The following TMEM164 variants were observed in gnomAD, a reference collection of about 807,000 sequenced individuals.
TMEM164 encodes transmembrane protein 164, also known as RP13-360B22.2.
Under a neutral mutation model 18.8 loss-of-function variants are expected in TMEM164, and 4 were observed. The observed-to-expected ratio is 0.21, with a 90% confidence interval of 0.10 to 0.49. The LOEUF (loss-of-function observed/expected upper bound fraction) is 0.49, where lower values mean the gene tolerates loss of function less well. Among genes scored for constraint, TMEM164 ranks in the 20% least tolerant of loss-of-function variants. The pLI is 0.98. For missense variants in TMEM164, 108 were observed against 239.9 expected, an observed-to-expected ratio of 0.45 and a Z score of 3.63; for synonymous variants, 86 against 101.7, an observed-to-expected ratio of 0.85 and a Z score of 0.93.
intron 2 of TMEM164, among the ~76,000 whole-genome samples, chrX:110,053,862 C>G (rs1378498789): frequency 8.9e-6 from 1 of 112,140 alleles, no homozygotes; most frequent in Non-Finnish European, 1.9e-5. Flanking sequence ...TTCATGCTAA[C>G]TACACCGTCT....
intron 3 of TMEM164, among the ~76,000 whole-genome samples, chrX:110,092,783 G>A (rs183353707): frequency 5.4e-5 from 6 of 111,876 alleles, no homozygotes; most frequent in African/African-American, 1.6e-4. Context: ...TCCCTGTCTT[G>A]TGCCAGTTTT....
intron 4 of TMEM164, among the ~76,000 whole-genome samples, chrX:110,116,903 AG>A (rs112145570): frequency 0.037 from 3,204 of 87,422 alleles, 139 homozygotes; most frequent in African/African-American, 0.13. Flanking sequence ...GTGTGTGTGA[AG>A]GGGGGCAGGG....
intron 3 of TMEM164, among the ~76,000 whole-genome samples, chrX:110,085,065 T>C (rs2065831040): frequency 9.0e-6 from 1 of 110,675 alleles, no homozygotes; most frequent in African/African-American, 3.3e-5. Context: ...ATATTTCTTC[T>C]GGTTTATACA....
chrX:110,097,691 C>T (rs766110455), intron 3 of TMEM164, among the ~76,000 whole-genome samples: 8 of 111,943 alleles, frequency 7.1e-5, no homozygotes, highest in African/African-American at 3.2e-5. Context: ...TAGAGGACAA[C>T]TGAATCAATA....
intron 4 of TMEM164, among the ~76,000 whole-genome samples, chrX:110,115,667 A>G (rs917851648): frequency 1.8e-5 from 2 of 112,321 alleles, no homozygotes; most frequent in African/African-American, 6.5e-5. Context: ...GTATCATGCC[A>G]TGTGCTGCAG....
At chrX:110,152,056 C>CT (rs755801649) in intron 5 of TMEM164, among the ~76,000 whole-genome samples, 6,404 of 77,386 alleles carry the variant, frequency 0.083, 443 homozygotes, top group African/African-American at 0.22. Flanking sequence ...CTTTTCTTTT[C>CT]TTTTTTTTTT....
Position 110,097,662 on chromosome X carries a change from C to T in TMEM164, c.441-11418C>T, listed in dbSNP as rs748343218. On this transcript the variant is annotated intron_variant, in intron 3 of 6. Coordinates refer to ENST00000372068, the MANE Select transcript of TMEM164 (RefSeq NM_032227.4). ...TTGTAGATGGTTGGGTGAGATGAAT[C>T]GTATTCAGGAAGGGTACATAGAGGA... is the stretch of plus-strand genomic sequence containing the variant. Among the ~76,000 whole-genome samples, 8 of 111,928 alleles carry T rather than the reference C, an allele frequency of 7.1e-5. No individual in the cohort carries two copies. In the East Asian group the frequency reaches 1.1e-3, roughly 16 times the overall value.
At chrX:110,131,675 G>A (rs1006701920) in intron 4 of TMEM164, among the ~76,000 whole-genome samples, 6 of 111,345 alleles carry the variant, frequency 5.4e-5, no homozygotes, top group African/African-American at 1.6e-4. Flanking sequence ...CTGGTTCCTC[G>A]GTAGGCTTTT....
At chrX:110,065,437 CTG>C (rs2147846965) in intron 2 of TMEM164, 2 of 111,535 alleles carry the variant, frequency 1.8e-5, no homozygotes, top group East Asian at 5.6e-4. Flanking sequence ...TTCCTCTTCT[CTG>C]TGTACTGTAG....
At chrX:110,052,898 G>GCC (rs1935632948) in intron 2 of TMEM164, among the ~76,000 whole-genome samples, 1 of 109,846 alleles carries the variant, frequency 9.1e-6, no homozygotes, top group Non-Finnish European at 1.9e-5. Context: ...CTACAGGCAT[G>GCC]CACCACCATG....
intron 2 of TMEM164, among the ~76,000 whole-genome samples, chrX:110,024,035 T>C (rs931995081): frequency 9.0e-6 from 1 of 111,577 alleles, no homozygotes. Flanking sequence ...GACCAGATGG[T>C]ATCTAAGACC....
chrX:110,045,765 G>C (rs999541880), intron 2 of TMEM164, among the ~76,000 whole-genome samples: 1 of 112,140 alleles, frequency 8.9e-6, no homozygotes, highest in African/African-American at 3.2e-5. Context: ...AGTCATGACA[G>C]TTCATGTCCT....
chrX:110,012,995 C>G (rs1028436062), intron 2 of TMEM164, among the ~76,000 whole-genome samples: 1 of 111,703 alleles, frequency 9.0e-6, no homozygotes, highest in African/African-American at 3.3e-5. Flanking sequence ...ACAGGATTGG[C>G]CTGTTTGGCG....
intron 2 of TMEM164, among the ~76,000 whole-genome samples, chrX:110,037,761 C>T (rs947561692): frequency 8.9e-6 from 1 of 112,069 alleles, no homozygotes; most frequent in African/African-American, 3.2e-5. Context: ...TAGCAAATTT[C>T]TAATTTTACT....
chrX:110,035,270 A>G lies in TMEM164; in HGVS notation c.390+31106A>G, dbSNP rs986438137. 1.5e-4 allele frequency among the ~76,000 whole-genome samples: 16 copies of G among 109,374 alleles called. No homozygotes were observed. In the Admixed American group the frequency reaches 1.5e-3, roughly 11 times the overall value. 95.0% of individuals were successfully genotyped at this position (109,374 alleles called of 115,157 possible). On this transcript the variant is annotated intron_variant, in intron 2 of 6. Transcript: ENST00000372068. ...GAAATGAAAAAAATAAATAAAAATC[A>G]CTCATAGTCTTGCCACAAAAATGTT... is the stretch of plus-strand genomic sequence containing the variant.
intron 4 of TMEM164, among the ~76,000 whole-genome samples, chrX:110,112,434 T>C (rs77153849): frequency 0.057 from 6,305 of 111,051 alleles, 407 homozygotes; most frequent in African/African-American, 0.18. Flanking sequence ...GTGGGAGGAT[T>C]GCTTTATCCT....
intron 3 of TMEM164, among the ~76,000 whole-genome samples, chrX:110,083,650 G>T (rs1210960332): frequency 9.0e-6 from 1 of 111,256 alleles, no homozygotes; most frequent in Non-Finnish European, 1.9e-5. Context: ...TCACAACACA[G>T]AGTCTGTCAT....
intron 2 of TMEM164, among the ~76,000 whole-genome samples, chrX:110,054,898 G>A (rs1407538133): frequency 8.9e-6 from 1 of 111,935 alleles, no homozygotes; most frequent in Non-Finnish European, 1.9e-5. Flanking sequence ...GAGAACACTT[G>A]TGTGTATCAG....
Position 110,032,152 on chromosome X carries a change from T to C in TMEM164, c.390+27988T>C, listed in dbSNP as rs1211961898. ...CCAATTACTCATCTTTATTTAAAAA[T>C]GGGTAAATATAAGGCAGAAAATAAT... is the stretch of plus-strand genomic sequence containing the variant. On this transcript the variant is annotated intron_variant, in intron 2 of 6. Transcript: ENST00000372068. 6.3e-5 allele frequency among the ~76,000 whole-genome samples: 7 copies of C among 111,914 alleles called. No homozygotes were observed. In the East Asian group the frequency reaches 1.9e-3, roughly 31 times the overall value.
Sources: allele counts gnomAD v4.1 joint callset (sites outside exome capture counted in the v4.1 genomes callset), GRCh38; gene constraint gnomAD v4.1.1; transcripts MANE v1.5; gene names NCBI Gene and HGNC (gene_info 2026-07-23, HGNC 2026-07-21).